Variants in ZEB2 observed in about 807,000 individuals in gnomAD.
ZEB2 encodes the protein zinc finger E-box-binding homeobox 2.
In ZEB2, 6 loss-of-function variants were observed where a neutral mutation model predicts 99.9. That is an observed-to-expected ratio of 0.06 (90% confidence interval 0.03 to 0.12). ZEB2 has a LOEUF of 0.12. Among genes scored for constraint, ZEB2 ranks in the 10% least tolerant of loss-of-function variants. The pLI is 1.00. For synonymous variants in ZEB2, 517 were observed against 542.5 expected, an observed-to-expected ratio of 0.95 and a Z score of 0.65; for missense variants, 969 against 1,502.8, an observed-to-expected ratio of 0.64 and a Z score of 5.87.
chr2:144,459,849 T>A (rs1704168294), intron 2 of ZEB2, among the ~76,000 whole-genome samples: 1 of 152,184 alleles, frequency 6.6e-6, no homozygotes, highest in African/African-American at 2.4e-5. Flanking sequence ...TACGTATGTA[T>A]TCTTTAAAAT....
intron 6 of ZEB2, among the ~76,000 whole-genome samples, chr2:144,402,984 G>GTTC (rs1703333432): frequency 6.6e-6 from 1 of 152,148 alleles, no homozygotes; most frequent in Non-Finnish European, 1.5e-5. Context: ...TAAGAATTTT[G>GTTC]AATACAATAT....
At chr2:144,509,251 CG>C (rs1447811017) in intron 2 of ZEB2, among the ~76,000 whole-genome samples, 2 of 152,186 alleles carry the variant, frequency 1.3e-5, no homozygotes, top group Non-Finnish European at 1.5e-5. Flanking sequence ...GCATTATCCC[CG>C]TACCTCACTT....
At position 144,517,398 on chromosome 2, in the gene ZEB2, T is replaced by C. The variant is rs560507929; in HGVS notation, c.-48A>G. The C allele has an allele frequency of 6.2e-7, 1 of 1,604,172 alleles. No homozygotes were observed. The highest frequency in any genetic ancestry group is 1.1e-5 in the South Asian group (1 of 90,892). Reference sequence around the variant, plus strand: ...AGTTCGCATGGACTCGGCGCCCTGCTTCGGCAGCACGCAGGCTCGATCTAG... The same window carrying C: ...AGTTCGCATGGACTCGGCGCCCTGCCTCGGCAGCACGCAGGCTCGATCTAG... On this transcript the variant is annotated 5_prime_UTR_variant, in exon 2 of 10. Coordinates refer to ENST00000627532, the MANE Select transcript of ZEB2 (RefSeq NM_014795.4).
chr2:144,513,565 C>T, intron 2 of ZEB2: 4 of 1,527,530 alleles, frequency 2.6e-6, no homozygotes, highest in Non-Finnish European at 3.5e-6. Context: ...TTTGCTACAA[C>T]GTGCATGTCT....
intron 2 of ZEB2, among the ~76,000 whole-genome samples, chr2:144,457,918 T>G (rs575320197): frequency 1.3e-5 from 2 of 152,162 alleles, no homozygotes; most frequent in Non-Finnish European, 2.9e-5. Flanking sequence ...CTTTCAGGAT[T>G]TGAGGTTAGG....
At chr2:144,406,210 G>A (rs1703384496) in intron 4 of ZEB2, among the ~76,000 whole-genome samples, 2 of 151,822 alleles carry the variant, frequency 1.3e-5, no homozygotes, top group African/African-American at 2.4e-5. Context: ...GATTTTTTAT[G>A]AGGGGAATAG....
At chr2:144,494,822 G>A (rs1010598275) in intron 2 of ZEB2, 3 of 151,950 alleles carry the variant, frequency 2.0e-5, no homozygotes, top group Non-Finnish European at 2.9e-5. Flanking sequence ...GTTCCCAGGC[G>A]GACAAACTTG....
intron 2 of ZEB2, among the ~76,000 whole-genome samples, chr2:144,439,648 C>G (rs1703880861): frequency 6.6e-6 from 1 of 152,206 alleles, no homozygotes; most frequent in African/African-American, 2.4e-5. Context: ...AAAATTGTTA[C>G]AGTTCTAGCT....
At chr2:144,473,733 T>A (rs1380784857) in intron 2 of ZEB2, among the ~76,000 whole-genome samples, 2 of 152,046 alleles carry the variant, frequency 1.3e-5, no homozygotes, top group African/African-American at 4.8e-5. Context: ...ATTGAACATG[T>A]AGCGTGGAGG....
chr2:144,424,706 C>T, intron 4 of ZEB2, 90 bp downstream of exon 4: 1 of 1,453,860 alleles, frequency 6.9e-7, no homozygotes, highest in South Asian at 1.1e-5. Flanking sequence ...CATGGAGATA[C>T]AAATGGATGT....
In ZEB2 at chr2:144,490,418, G is replaced by A. The variant is rs115611541; in HGVS notation, c.73+26860C>T. ...CCTCACAGAACCTTTCCTACTCAACGTATTATTTATTAGAAGTCTAGAATG... is the reference window on the plus strand; with the variant it reads ...CCTCACAGAACCTTTCCTACTCAACATATTATTTATTAGAAGTCTAGAATG... On this transcript the variant is annotated intron_variant, in intron 2 of 9. Transcript: ENST00000627532. 8.2e-3 allele frequency among the ~76,000 whole-genome samples: 1,241 copies of A among 152,114 alleles called. 18 individuals are homozygous for A. Among genetic ancestry groups the A allele is most frequent in the African/African-American group, 0.028 (1,161 of 41,474 alleles).
rs70985858 is a variant in ZEB2, at chr2:144,483,117, G to GACACACACACAC, written c.73+34149_73+34160dup. Among the ~76,000 whole-genome samples the GACACACACACAC allele has an allele frequency of 5.0e-3, 655 of 130,750 alleles. 5 individuals carry two copies. The highest frequency in any genetic ancestry group is 0.012 in the South Asian group (47 of 3,858). The allele number at this position is 130,750 out of a possible 152,430, so 85.8% of individuals were successfully genotyped here. On this transcript the variant is annotated intron_variant, in intron 2 of 9. Coordinates refer to ENST00000627532, the MANE Select transcript of ZEB2 (RefSeq NM_014795.4). ...AGAGAAAAAGTCAGTGTTTAGGTAA[G>GACACACACACAC]ACACACACACACACACACACACACA... is the stretch of plus-strand genomic sequence containing the variant.
chr2:144,483,522 G>A (rs1038692233), intron 2 of ZEB2, among the ~76,000 whole-genome samples: 3 of 152,114 alleles, frequency 2.0e-5, no homozygotes, highest in African/African-American at 7.2e-5. Context: ...CTTTACTTTT[G>A]AAGAAGATCA....
At chr2:144,427,087 G>T (rs1168717662) in intron 3 of ZEB2, 1 of 152,140 alleles carries the variant, frequency 6.6e-6, no homozygotes, top group Non-Finnish European at 1.5e-5. Flanking sequence ...TAAAACACTT[G>T]TAAAAGTTTG....
intron 2 of ZEB2, among the ~76,000 whole-genome samples, chr2:144,466,671 T>C (rs555435773): frequency 2.6e-5 from 4 of 152,170 alleles, no homozygotes; most frequent in Non-Finnish European, 5.9e-5. Context: ...ATTTCAAAAA[T>C]GTACAGGACT....
At chr2:144,423,497 C>T (rs1009868796) in intron 4 of ZEB2, among the ~76,000 whole-genome samples, 35 of 152,066 alleles carry the variant, frequency 2.3e-4, no homozygotes, top group Non-Finnish European at 4.7e-4. Flanking sequence ...TATCAAGAAA[C>T]TAGTTGAATC....
chr2:144,404,758 ACCCAGGCATGTAGTGC>A, intron 5 of ZEB2, 62 bp downstream of exon 5: 1 of 1,524,914 alleles, frequency 6.6e-7, no homozygotes, highest in African/African-American at 1.4e-5. Flanking sequence ...TAAGGTAAAC[ACCCAGGCATGTAGTGC>A]ATTTGTAATT....
In ZEB2 at chr2:144,444,698, T is replaced by A. The variant is rs144257983; in HGVS notation, c.74-14672A>T. 5.9e-5 allele frequency: 9 copies of A among 152,394 alleles called. No individual in the cohort carries two copies. The East Asian group carries it at 1.7e-3, about 29-fold the overall frequency. 9.4% of individuals were successfully genotyped at this position (152,394 alleles called of 1,614,324 possible). ...AATAGCATCCCCACCAGGTATCAAA[T>A]GAGCTACAGGAAATAGGTTTTCTTT... On this transcript the variant is annotated intron_variant, in intron 2 of 9. Transcript: ENST00000627532.
At position 144,498,047 on chromosome 2, in the gene ZEB2, AT is replaced by A. The variant is rs1265515463; in HGVS notation, c.73+19230del. ...ATATTATATAATATATATTAATATT[AT>A]ATATTATATAATATATATTAATATT... On this transcript the variant is annotated intron_variant, in intron 2 of 9. Transcript: ENST00000627532. 2.2e-3 allele frequency among the ~76,000 whole-genome samples: 157 copies of A among 72,292 alleles called. 28 individuals are homozygous for A. The highest frequency in any genetic ancestry group is 3.3e-3 in the South Asian group (10 of 3,010). 47.4% of individuals were successfully genotyped at this position (72,292 alleles called of 152,430 possible). A position where few individuals can be genotyped will look rare whatever the true frequency, so the allele number is the denominator to read the frequency against.
Sources: gnomAD v4.1 joint callset for allele counts (sites outside exome capture counted in the v4.1 genomes callset) on GRCh38, gnomAD v4.1.1 for gene constraint, MANE v1.5 for transcripts, NCBI Gene and HGNC (gene_info 2026-07-23, HGNC 2026-07-21) for gene names.